THSD4: variants seen among roughly 807,000 people sequenced by gnomAD.
THSD4 encodes the protein thrombospondin type 1 domain containing 4.
THSD4 carries 69 observed loss-of-function variants against 119.0 expected under a neutral mutation model. That is an observed-to-expected ratio of 0.58 (90% confidence interval 0.48 to 0.71). THSD4 has a LOEUF of 0.71. THSD4 is among the 30% of genes least tolerant of loss of function. The pLI, the probability that THSD4 is intolerant of heterozygous loss-of-function variation, is 0.00. For synonymous variants in THSD4, 524 were observed against 540.4 expected (o/e 0.97, Z 0.42); for missense variants, 1,393 against 1,391.1 (o/e 1.00, Z -0.02).
intron 7 of THSD4, among the ~76,000 whole-genome samples, chr15:71,534,886 G>A (rs2048668039): frequency 6.6e-6 from 1 of 152,134 alleles, no homozygotes; most frequent in African/African-American, 2.4e-5. Context: ...CTTGAACCCG[G>A]GAGGCAGGGG....
intron 7 of THSD4, among the ~76,000 whole-genome samples, chr15:71,444,085 G>A (rs2047148151): frequency 6.6e-6 from 1 of 152,136 alleles, no homozygotes; most frequent in South Asian, 2.1e-4. Flanking sequence ...CACAATGAAT[G>A]GCCTATTCCT....
chr15:71,706,379 G>A (rs1203920319), intron 8 of THSD4, among the ~76,000 whole-genome samples: 1 of 152,150 alleles, frequency 6.6e-6, no homozygotes, highest in African/African-American at 2.4e-5. Context: ...GGTGTGTTTG[G>A]TTTGGGACAT....
intron 1 of THSD4, among the ~76,000 whole-genome samples, chr15:71,118,426 A>G (rs2141350975): frequency 6.6e-6 from 1 of 150,882 alleles, no homozygotes; most frequent in South Asian, 2.1e-4. Context: ...TCTTGCACAC[A>G]CTCCTGTGTC....
intron 14 of THSD4, among the ~76,000 whole-genome samples, chr15:71,754,215 A>G (rs953796716): frequency 1.3e-5 from 2 of 151,118 alleles, no homozygotes; most frequent in Admixed American, 6.6e-5. Flanking sequence ...TCAGCCTCCC[A>G]AGTAGCTGGA....
chr15:71,275,399 A>G (rs2044578400), intron 6 of THSD4, among the ~76,000 whole-genome samples: 1 of 152,240 alleles, frequency 6.6e-6, no homozygotes, highest in Non-Finnish European at 1.5e-5. Flanking sequence ...AGAGGTCACC[A>G]TGTTGTAAAT....
At chr15:71,579,230 ATTACT>A (rs1314645402) in intron 7 of THSD4, among the ~76,000 whole-genome samples, 1 of 152,214 alleles carries the variant, frequency 6.6e-6, no homozygotes, top group Non-Finnish European at 1.5e-5. Flanking sequence ...AGGCAGTGTT[ATTACT>A]TTACTTCTTT....
intron 6 of THSD4, among the ~76,000 whole-genome samples, chr15:71,276,044 C>A (rs1156731405): frequency 6.6e-6 from 1 of 152,226 alleles, no homozygotes; most frequent in African/African-American, 2.4e-5. Context: ...ACCTGCCAGT[C>A]TCCATTTCTT....
Position 71,781,792 on chromosome 15 carries a change from T to C in THSD4, c.*4418T>C, listed in dbSNP as rs2054002185. ...TTTGCCAGGGATGCTGGAGAGGGGATTCAAGCATCTGGCTGGGCAACGTGA... is the reference window on the plus strand; with the variant it reads ...TTTGCCAGGGATGCTGGAGAGGGGACTCAAGCATCTGGCTGGGCAACGTGA... On this transcript the variant is annotated 3_prime_UTR_variant, in exon 18 of 18. Coordinates refer to ENST00000261862, the MANE Select transcript of THSD4 (RefSeq NM_024817.3). 1 of 152,258 alleles carries C rather than the reference T, an allele frequency of 6.6e-6. No homozygotes were observed. The highest frequency in any genetic ancestry group is 2.4e-5 in the African/African-American group (1 of 41,402). The allele number at this position is 152,258 out of a possible 1,614,324, so 9.4% of individuals were successfully genotyped here. A position where few individuals can be genotyped will look rare whatever the true frequency, so the allele number is the denominator to read the frequency against.
chr15:71,531,455 G>A (rs2048608580), intron 7 of THSD4, among the ~76,000 whole-genome samples: 1 of 152,182 alleles, frequency 6.6e-6, no homozygotes, highest in African/African-American at 2.4e-5. Context: ...GGATAGAAGT[G>A]GGTGAATTCA....
At chr15:71,341,478 T>C (rs2045575502) in intron 6 of THSD4, 11 of 1,613,250 alleles carry the variant, frequency 6.8e-6, no homozygotes, top group Non-Finnish European at 9.3e-6. Flanking sequence ...CGACCTTGTG[T>C]CCAGCCCCAC....
intron 6 of THSD4, among the ~76,000 whole-genome samples, chr15:71,369,780 T>A (rs1258922057): frequency 1.3e-5 from 2 of 152,336 alleles, no homozygotes; most frequent in African/African-American, 2.4e-5. Context: ...GGTATCGGGA[T>A]GATGCTGGCC....
rs867068890 is a variant in THSD4 at position 71,272,420 on chromosome 15, A to G, written c.1015+15705A>G. 9.0e-3 allele frequency among the ~76,000 whole-genome samples: 1,336 copies of G among 149,052 alleles called. 16 individuals carry two copies. The highest frequency in any genetic ancestry group is 0.021 in the Middle Eastern group (6 of 292). Reference sequence around the variant, plus strand: ...TCAAAAAAAAAAAAAAAAAAAAAAAAAAAGAAAGAAGTGGGGAGGGAGGGG... The same window carrying G: ...TCAAAAAAAAAAAAAAAAAAAAAAAGAAAGAAAGAAGTGGGGAGGGAGGGG... On this transcript the variant is annotated intron_variant, in intron 6 of 17. Transcript: ENST00000261862.
intron 3 of THSD4, among the ~76,000 whole-genome samples, chr15:71,199,587 GGT>G (rs1207962519): frequency 8.5e-5 from 11 of 130,130 alleles, no homozygotes; most frequent in South Asian, 2.6e-4. Context: ...TGTGTGTGTG[GGT>G]GTGTGTGATG....
At chr15:71,367,212 GCTCT>G (rs1034877551) in intron 6 of THSD4, among the ~76,000 whole-genome samples, 2 of 137,732 alleles carry the variant, frequency 1.5e-5, no homozygotes, top group African/African-American at 2.8e-5. Flanking sequence ...CTCATGCTAG[GCTCT>G]CTTTTTTTTT....
intron 6 of THSD4, among the ~76,000 whole-genome samples, chr15:71,307,078 G>C (rs1358805819): frequency 1.3e-5 from 2 of 152,154 alleles, no homozygotes; most frequent in Non-Finnish European, 2.9e-5. Context: ...CAGGCTTTGG[G>C]ACAAATTTGC....
chr15:71,219,135 A>G (rs1035882963), intron 4 of THSD4, among the ~76,000 whole-genome samples: 12 of 152,212 alleles, frequency 7.9e-5, no homozygotes, highest in African/African-American at 2.7e-4. Context: ...AGGTATTGCT[A>G]TAGAAACCTG....
At chr15:71,440,889 G>A (rs1015969524) in intron 7 of THSD4, among the ~76,000 whole-genome samples, 8 of 152,142 alleles carry the variant, frequency 5.3e-5, no homozygotes, top group African/African-American at 1.7e-4. Context: ...ACACTTGGGA[G>A]CAATTATGTA....
intron 7 of THSD4, among the ~76,000 whole-genome samples, chr15:71,655,619 G>A (rs1595833590): frequency 2.0e-5 from 3 of 152,170 alleles, no homozygotes; most frequent in South Asian, 4.2e-4. Context: ...ACAGTCCTAA[G>A]GGGTAGCTGC....
intron 6 of THSD4, among the ~76,000 whole-genome samples, chr15:71,292,675 A>ATTT (rs36103838): frequency 1.5e-5 from 2 of 130,606 alleles, no homozygotes; most frequent in African/African-American, 2.9e-5. Context: ...ATATAACAGG[A>ATTT]TTTTTTTTTT....
Sources: gnomAD v4.1 joint callset for allele counts (sites outside exome capture counted in the v4.1 genomes callset) on GRCh38, gnomAD v4.1.1 for gene constraint, MANE v1.5 for transcripts, NCBI Gene and HGNC (gene_info 2026-07-23, HGNC 2026-07-21) for gene names.